MLPH: variants seen among roughly 807,000 people sequenced by gnomAD.
The protein encoded by MLPH is melanophilin, also known as exophilin-3.
Under a neutral mutation model 72.1 loss-of-function variants are expected in MLPH, and 51 were observed. The ratio of observed to expected loss-of-function variants is 0.71; its 90% CI spans 0.56 to 0.89. The LOEUF (loss-of-function observed/expected upper bound fraction) is 0.89, where lower values mean the gene tolerates loss of function less well. MLPH is among the 40% of genes least tolerant of loss of function. MLPH has a pLI of 0.00. For synonymous variants in MLPH, 301 were observed against 310.1 expected (o/e 0.97, Z 0.31); for missense variants, 743 against 759.9 (o/e 0.98, Z 0.26).
intron 2 of MLPH, among the ~76,000 whole-genome samples, chr2:237,506,580 A>G (rs957754012): frequency 2.0e-5 from 3 of 152,168 alleles, no homozygotes; most frequent in African/African-American, 7.2e-5. Flanking sequence ...TGGGGGCTAC[A>G]TGCACCTGCA....
intron 4 of MLPH, among the ~76,000 whole-genome samples, chr2:237,517,644 G>A (rs75918156): frequency 0.2 from 30,252 of 151,076 alleles, 3,728 homozygotes; most frequent in African/African-American, 0.34. Context: ...TGGATAGGCA[G>A]GTGGAGGGGT....
chr2:237,517,240 C>T (rs62186170), intron 4 of MLPH, among the ~76,000 whole-genome samples: 30,309 of 137,254 alleles, frequency 0.22, 3,679 homozygotes, highest in African/African-American at 0.37. Flanking sequence ...GATAGGTAGG[C>T]GGAGGGGTGG....
Position 237,510,388 on chromosome 2 carries a change from C to T in MLPH, c.111-186C>T. 1 of 676,234 alleles carries T rather than the reference C, an allele frequency of 1.5e-6. No individual in the cohort carries two copies. Among genetic ancestry groups the T allele is most frequent in the Non-Finnish European group, 2.7e-6 (1 of 372,722 alleles). The allele number at this position is 676,234 out of a possible 1,614,324, so 41.9% of individuals were successfully genotyped here. On this transcript the variant is annotated intron_variant, in intron 2 of 15. Transcript: ENST00000264605. The surrounding 1 kb of genome is among the most constrained non-coding windows in gnomAD (Gnocchi z 4.4). ...ACCAAAATTGCCCGTTTGAGCTCAGCCCTCAAAACAAAGATGCCTGTGTGG... is the reference window on the plus strand; with the variant it reads ...ACCAAAATTGCCCGTTTGAGCTCAGTCCTCAAAACAAAGATGCCTGTGTGG...
rs149469812 is a variant in MLPH at position 237,550,738 on chromosome 2, G to A, written c.1675+1460G>A. Among the ~76,000 whole-genome samples the A allele has an allele frequency of 7.9e-3, 1,207 of 152,178 alleles. 16 individuals carry two copies. Among genetic ancestry groups the A allele is most frequent in the African/African-American group, 0.028 (1,147 of 41,518 alleles). ...CTAATTTTGTATCTTTAGTAGAGAC[G>A]GGTTTTCACCACGTTGGCCAGGCTG... On this transcript the variant is annotated intron_variant, in intron 14 of 15. Transcript: ENST00000264605.
chr2:237,552,157 G>T, intron 14 of MLPH, 180 bp from the exon 15 acceptor site: 1 of 578,948 alleles, frequency 1.7e-6, no homozygotes, highest in Non-Finnish European at 3.1e-6. Flanking sequence ...TGGCAAAACT[G>T]TTGATTTGCA....
In MLPH at chr2:237,549,381, C is replaced by T. The variant is rs1270337618; in HGVS notation, c.1675+103C>T. 8 of 1,115,094 alleles carry T rather than the reference C, an allele frequency of 7.2e-6. No homozygotes were observed. The Admixed American group carries it at 8.4e-5, about 12-fold the overall frequency. The allele number at this position is 1,115,094 out of a possible 1,614,324, so 69.1% of individuals were successfully genotyped here. On this transcript the variant is annotated intron_variant, in intron 14 of 15. Coordinates refer to ENST00000264605, the MANE Select transcript of MLPH (RefSeq NM_024101.7). ...GTGTGTTTCTTCATTATCTGTGGGA[C>T]ATATCTCATGTCCTGACTCCCAAAA...
intron 6 of MLPH, 47 bp downstream of exon 6, chr2:237,520,076 G>A: frequency 6.2e-7 from 1 of 1,613,156 alleles, no homozygotes; most frequent in South Asian, 1.1e-5. Flanking sequence ...AGGAACCTGA[G>A]TGGCAGGTGC....
chr2:237,527,560 T>C, intron 8 of MLPH, 44 bp downstream of exon 8: 1 of 1,612,986 alleles, frequency 6.2e-7, no homozygotes. Flanking sequence ...TTTCTTTGGG[T>C]GGAGTCTTTT....
chr2:237,495,563 C>T (rs1236056099), intron 2 of MLPH, among the ~76,000 whole-genome samples: 3 of 152,168 alleles, frequency 2.0e-5, no homozygotes, highest in East Asian at 1.9e-4. Context: ...GAACAGGGTC[C>T]GCAACAAACC....
intron 1 of MLPH, among the ~76,000 whole-genome samples, chr2:237,488,784 G>T (rs912064860): frequency 2.6e-5 from 4 of 152,216 alleles, no homozygotes; most frequent in African/African-American, 9.6e-5. Flanking sequence ...GGTGGTGGAA[G>T]TGTCCCAGAG....
chr2:237,496,313 G>A (rs531755055), intron 2 of MLPH, among the ~76,000 whole-genome samples: 3 of 152,306 alleles, frequency 2.0e-5, no homozygotes, highest in South Asian at 4.1e-4. Flanking sequence ...TCCCGGACAG[G>A]CACTGTCTTC....
In MLPH at chr2:237,540,854, C is replaced by T. The variant is rs149571856; in HGVS notation, c.1343C>T (p.Pro448Leu). 781 of 1,613,428 alleles carry T rather than the reference C, an allele frequency of 4.8e-4. No homozygotes were observed. The highest frequency in any genetic ancestry group is 8.3e-4 in the Middle Eastern group (5 of 6,056). ...AGACAGGAAAAAAGCCCCCAGGACC[C>T]TGGGGACCCCGTCCAGTACAACAGG... ...TNRQEKSPQD[P>L]GDPVQYNRTT... is the part of the protein sequence containing the mutation. Residue 448 changes from proline to leucine, a missense_variant, in exon 11 of 16, where the codon CCT (proline) becomes CTT (leucine). Transcript: ENST00000264605.
chr2:237,527,131 C>A (rs2080321174), intron 7 of MLPH, among the ~76,000 whole-genome samples: 1 of 152,136 alleles, frequency 6.6e-6, no homozygotes, highest in South Asian at 2.1e-4. Flanking sequence ...TGCAAACATG[C>A]AAAGTATGTC....
intron 8 of MLPH, among the ~76,000 whole-genome samples, chr2:237,528,359 AT>A (rs34696202): frequency 6.6e-6 from 1 of 150,498 alleles, no homozygotes. Flanking sequence ...TTTTTTTTTA[AT>A]TTTTTTTTGA....
intron 12 of MLPH, chr2:237,545,550 G>A (rs2080898672): frequency 3.1e-6 from 4 of 1,288,524 alleles, no homozygotes; most frequent in Non-Finnish European, 4.0e-6. Context: ...CCTGAATCAT[G>A]TTGCCTCATG....
At chr2:237,539,890 G>T (rs1265990066) in intron 9 of MLPH, among the ~76,000 whole-genome samples, 2 of 152,264 alleles carry the variant, frequency 1.3e-5, no homozygotes, top group East Asian at 3.9e-4. Flanking sequence ...CACAGCAGCT[G>T]CTAAATGAAT....
intron 4 of MLPH, 183 bp from the exon 5 acceptor site, chr2:237,518,356 T>G: frequency 1.5e-6 from 1 of 687,888 alleles, no homozygotes; most frequent in Non-Finnish European, 2.7e-6. Flanking sequence ...GGGGGATGGG[T>G]GGATTGGTAG....
chr2:237,546,090 T>C (rs1294935643), intron 12 of MLPH, among the ~76,000 whole-genome samples: 2 of 152,112 alleles, frequency 1.3e-5, no homozygotes, highest in Non-Finnish European at 2.9e-5. Flanking sequence ...TCCAGTAAGG[T>C]GGGACAACCC....
chr2:237,491,520 C>A (rs767311725), intron 1 of MLPH, among the ~76,000 whole-genome samples: 1 of 152,202 alleles, frequency 6.6e-6, no homozygotes, highest in Non-Finnish European at 1.5e-5. Flanking sequence ...GTGCTGGGAA[C>A]GGACAGAGGT....
Sources: allele counts gnomAD v4.1 joint callset (sites outside exome capture counted in the v4.1 genomes callset), GRCh38; gene constraint gnomAD v4.1.1; non-coding constraint Gnocchi (gnomAD v3.1); transcripts MANE v1.5; gene names NCBI Gene and HGNC (gene_info 2026-07-23, HGNC 2026-07-21).